Variants in ABCA13 observed in about 807,000 individuals in gnomAD.
ABCA13 encodes ATP-binding cassette sub-family A member 13.
ABCA13 carries 476 observed loss-of-function variants against 478.7 expected under a neutral mutation model. The ratio of observed to expected loss-of-function variants is 0.99; its 90% CI spans 0.92 to 1.07. ABCA13 has a LOEUF of 1.07. Ranked by LOEUF, ABCA13 falls within the 50% of genes least tolerant of loss-of-function variation. ABCA13 has a pLI of 0.00. For missense variants in ABCA13, 6,060 were observed against 5,910.6 expected, an observed-to-expected ratio of 1.03 and a Z score of -0.83; for synonymous variants, 2,252 against 2,158.9, an observed-to-expected ratio of 1.04 and a Z score of -1.20.
At position 48,587,225 on chromosome 7, in the gene ABCA13, G is replaced by C; in HGVS notation, c.14577G>C (p.Gly4859=). The C allele has an allele frequency of 6.2e-7, 1 of 1,612,620 alleles. No individual in the cohort carries two copies. The highest frequency in any genetic ancestry group is 1.1e-5 in the South Asian group (1 of 90,642). The change falls in exon 57 of 62, where the codon GGG becomes GGC. Residue 4859 remains glycine (G), a synonymous_variant. Transcript: ENST00000435803. Reference sequence around the variant, plus strand: ...ACAAACCTGTGGCCACCTACAGTGGGGGAACCAAGCGGAAACTCTCTACAG... The same window carrying C: ...ACAAACCTGTGGCCACCTACAGTGGCGGAACCAAGCGGAAACTCTCTACAG... ...HADKPVATYS[G]GTKRKLSTAL...
chr7:48,275,519 T>G lies in ABCA13; in HGVS notation c.5853T>G (p.Val1951=). 4.3e-6 allele frequency: 7 copies of G among 1,613,856 alleles called. No individual in the cohort carries two copies. Among genetic ancestry groups the G allele is most frequent in the Non-Finnish European group, 5.9e-6 (7 of 1,179,850 alleles). The change falls in exon 17 of 62, where the codon GTT becomes GTG. Residue 1951 remains valine (V), a synonymous_variant. Transcript: ENST00000435803. The part of the protein sequence containing the change: ...ELCPSGSIKQ[V]ALQIIEKLKN... ...GTCCTAGTGGTTCCATAAAGCAAGT[T>G]GCTTTGCAAATCATAGAAAAACTTA...
intron 7 of ABCA13, among the ~76,000 whole-genome samples, chr7:48,232,490 T>C (rs916091754): frequency 4.6e-5 from 7 of 152,156 alleles, no homozygotes; most frequent in Non-Finnish European, 1.0e-4. Flanking sequence ...CAAAACATAC[T>C]TTGAGAGGTA....
intron 55 of ABCA13, among the ~76,000 whole-genome samples, chr7:48,544,265 C>G (rs1784615004): frequency 6.6e-6 from 1 of 151,680 alleles, no homozygotes; most frequent in Admixed American, 6.6e-5. Context: ...ATATTTTTGT[C>G]TTAGACCCAT....
intron 59 of ABCA13, chr7:48,626,518 G>A (rs967027914): frequency 5.4e-6 from 4 of 741,388 alleles, no homozygotes; most frequent in African/African-American, 3.8e-5. Flanking sequence ...TAAAAAAAAG[G>A]CAAAATAATG....
At chr7:48,283,078 C>T (rs573318850) in intron 19 of ABCA13, among the ~76,000 whole-genome samples, 24 of 152,152 alleles carry the variant, frequency 1.6e-4, no homozygotes, top group South Asian at 4.1e-4. Flanking sequence ...CTATTTTGTA[C>T]GACTGAGCAA....
chr7:48,239,072 T>A (rs995705459), intron 8 of ABCA13, among the ~76,000 whole-genome samples, 169 bp from the exon 9 acceptor site: 4 of 152,170 alleles, frequency 2.6e-5, no homozygotes, highest in African/African-American at 4.8e-5. Context: ...TTTTTTTTTT[T>A]AACTACCAAG....
intron 3 of ABCA13, among the ~76,000 whole-genome samples, chr7:48,214,367 GTAAA>G (rs1786123518): frequency 6.6e-6 from 1 of 152,310 alleles, no homozygotes; most frequent in South Asian, 2.1e-4. Context: ...TTTTGGAATG[GTAAA>G]TAAACACTGG....
chr7:48,567,352 G>T (rs1787177141), intron 55 of ABCA13, among the ~76,000 whole-genome samples: 1 of 152,032 alleles, frequency 6.6e-6, no homozygotes, highest in South Asian at 2.1e-4. Flanking sequence ...GGGTGCTGGG[G>T]TCATTGGACA....
intron 50 of ABCA13, 39 bp from the exon 51 acceptor site, chr7:48,511,045 G>T (rs1432551949): frequency 1.4e-6 from 2 of 1,476,220 alleles, no homozygotes; most frequent in Admixed American, 1.7e-5. Context: ...ATGACCATCT[G>T]ATGTAACAGC....
Position 48,528,335 on chromosome 7 carries a change from A to G in ABCA13, c.14344A>G (p.Thr4782Ala). The G allele has an allele frequency of 6.4e-7, 1 of 1,559,074 alleles. No homozygotes were observed. Among genetic ancestry groups the G allele is most frequent in the Non-Finnish European group, 8.7e-7 (1 of 1,150,476 alleles). Reference sequence around the variant, plus strand: ...AACTTCAGGACATGCTATCATCAGGACTCCCATGGGGTAAGATACAGATTT... The same window carrying G: ...AACTTCAGGACATGCTATCATCAGGGCTCCCATGGGGTAAGATACAGATTT... ...SLTSGHAIIRTPMGDAVDLSS... is the reference protein window; with the variant it reads ...SLTSGHAIIRAPMGDAVDLSS... The change falls in exon 55 of 62, where the codon ACT (threonine) becomes GCT (alanine). Residue 4782 changes from threonine (T) to alanine (A), a missense_variant. Coordinates refer to ENST00000435803, the MANE Select transcript of ABCA13 (RefSeq NM_152701.5).
chr7:48,372,137 G>A (rs1158255415), intron 32 of ABCA13, 31 bp from the exon 33 acceptor site: 1 of 1,580,754 alleles, frequency 6.3e-7, no homozygotes, highest in Non-Finnish European at 8.6e-7. Context: ...CGCATGCTGT[G>A]GTAACCTTGG....
intron 55 of ABCA13, among the ~76,000 whole-genome samples, chr7:48,571,997 G>A (rs548971807): frequency 6.6e-6 from 1 of 152,100 alleles, no homozygotes; most frequent in Non-Finnish European, 1.5e-5. Context: ...GCCCAACGTG[G>A]CAAAACCCCA....
At chr7:48,306,707 T>A (rs1800951110) in intron 23 of ABCA13, among the ~76,000 whole-genome samples, 3 of 152,222 alleles carry the variant, frequency 2.0e-5, no homozygotes, top group Non-Finnish European at 4.4e-5. Context: ...AAATACTTAA[T>A]ATCCTTTCTT....
chr7:48,387,797 T>G, intron 35 of ABCA13, 25 bp from the exon 36 acceptor site: 1 of 1,505,908 alleles, frequency 6.6e-7, no homozygotes, highest in Non-Finnish European at 8.9e-7. Flanking sequence ...AAAATTAAAC[T>G]AATTTTAATT....
intron 55 of ABCA13, among the ~76,000 whole-genome samples, chr7:48,558,939 G>A (rs985614038): frequency 6.6e-6 from 1 of 152,134 alleles, no homozygotes; most frequent in Non-Finnish European, 1.5e-5. Flanking sequence ...GGGAAGGCTG[G>A]GCTACTGTCA....
Position 48,507,923 on chromosome 7 carries a change from C to T in ABCA13, c.13398C>T (p.Phe4466=), listed in dbSNP as rs1019291769. 1.2e-6 allele frequency: 2 copies of T among 1,613,102 alleles called. No homozygotes were observed. The highest frequency in any genetic ancestry group is 2.7e-5 in the African/African-American group (2 of 74,920). ...TGGCCCTCTGCATCGTGCTGGGATT[C>T]TCCATCCTGTCTGCATCCATCGGCA... ...CGVALCIVLG[F]SILSASIGSS... Residue 4466 remains phenylalanine (F), a synonymous_variant, in exon 50 of 62, where the codon TTC becomes TTT. Transcript: ENST00000435803.
Position 48,198,307 on chromosome 7 carries a change from T to C in ABCA13, c.234T>C (p.Thr78=), listed in dbSNP as rs1318991057. ...IPFVQSLLCN[T]GSRCRNFSYE... is the part of the protein sequence containing the mutation. ...TTGTTCAAAGCCTTCTTTGTAACAC[T>C]GGATCAAGGTGTAGGAACTTCAGCT... The change falls in exon 3 of 62, where the codon ACT becomes ACC. Residue 78 remains threonine, a synonymous_variant. Coordinates refer to ENST00000435803, the MANE Select transcript of ABCA13 (RefSeq NM_152701.5). 7 of 1,613,738 alleles carry C rather than the reference T, an allele frequency of 4.3e-6. No individual in the cohort carries two copies. The African/African-American group carries it at 9.3e-5, about 22-fold the overall frequency.
At chr7:48,464,432 G>A (rs1034591683) in intron 43 of ABCA13, among the ~76,000 whole-genome samples, 22 of 152,154 alleles carry the variant, frequency 1.4e-4, no homozygotes, top group African/African-American at 4.8e-4. Flanking sequence ...TAAACCATAC[G>A]AATATTTTAA....
At chr7:48,315,573 A>G (rs1318100204) in intron 26 of ABCA13, among the ~76,000 whole-genome samples, 2 of 150,472 alleles carry the variant, frequency 1.3e-5, no homozygotes, top group Admixed American at 1.3e-4. Context: ...TCCGCCTCCC[A>G]GGTTCACGCC....
Sources: allele counts gnomAD v4.1 joint callset (sites outside exome capture counted in the v4.1 genomes callset), GRCh38; gene constraint gnomAD v4.1.1; transcripts MANE v1.5; gene names NCBI Gene and HGNC (gene_info 2026-07-23, HGNC 2026-07-21).